The following CSMD3 variants were observed in gnomAD, a reference collection of about 807,000 sequenced individuals.
The protein encoded by CSMD3 is CUB and Sushi multiple domains 3.
Under a neutral mutation model 435.2 loss-of-function variants are expected in CSMD3, and 177 were observed. The ratio of observed to expected loss-of-function variants is 0.41; its 90% CI spans 0.36 to 0.46. The LOEUF (loss-of-function observed/expected upper bound fraction) is 0.46, where lower values mean the gene tolerates loss of function less well. CSMD3 is among the 20% of genes least tolerant of loss of function. CSMD3 has a pLI of 0.34. For synonymous variants in CSMD3, 1,656 were observed against 1,520.5 expected, an observed-to-expected ratio of 1.09 and a Z score of -2.07; for missense variants, 4,265 against 4,504.6, an observed-to-expected ratio of 0.95 and a Z score of 1.52.
intron 9 of CSMD3, among the ~76,000 whole-genome samples, chr8:112,923,043 C>T (rs1377508246): frequency 6.6e-6 from 1 of 152,086 alleles, no homozygotes; most frequent in African/African-American, 2.4e-5. Context: ...CACAAGCACT[C>T]CATCAGGAAA....
intron 3 of CSMD3, among the ~76,000 whole-genome samples, chr8:113,260,923 C>A (rs1027533797): frequency 6.6e-6 from 1 of 152,132 alleles, no homozygotes; most frequent in African/African-American, 2.4e-5. Context: ...TTTATGGTTG[C>A]ATAGTATTCC....
chr8:112,934,221 A>G (rs557882191), intron 9 of CSMD3, among the ~76,000 whole-genome samples: 9 of 152,242 alleles, frequency 5.9e-5, no homozygotes, highest in Admixed American at 5.2e-4. Flanking sequence ...GGACTCTGAC[A>G]GTGGTTGGAG....
intron 59 of CSMD3, 61 bp from the exon 60 acceptor site, chr8:112,265,651 T>A (rs2130418697): frequency 1.7e-6 from 2 of 1,143,328 alleles, no homozygotes; most frequent in Non-Finnish European, 2.7e-6. Context: ...TGGAGAGGAG[T>A]AGTAAGCATA....
chr8:112,674,154 TG>T (rs2075720473), intron 16 of CSMD3, among the ~76,000 whole-genome samples: 1 of 152,126 alleles, frequency 6.6e-6, no homozygotes, highest in South Asian at 2.1e-4. Context: ...GGGAAGAGCA[TG>T]CTAAAGGAAT....
At chr8:113,402,591 T>C (rs2094515191) in intron 1 of CSMD3, among the ~76,000 whole-genome samples, 1 of 151,276 alleles carries the variant, frequency 6.6e-6, no homozygotes, top group African/African-American at 2.4e-5. Flanking sequence ...ACTTCTGGCC[T>C]AATCTTATTT....
intron 27 of CSMD3, among the ~76,000 whole-genome samples, chr8:112,519,866 C>T (rs980126645): frequency 3.9e-5 from 6 of 151,984 alleles, no homozygotes; most frequent in Admixed American, 3.3e-4. Context: ...AGTCATAAAG[C>T]CTTTGTAATA....
chr8:113,305,515 A>G (rs2093812971), intron 2 of CSMD3, among the ~76,000 whole-genome samples: 1 of 152,208 alleles, frequency 6.6e-6, no homozygotes, highest in African/African-American at 2.4e-5. Context: ...AATCTAAGGA[A>G]CAAAGTGTTT....
intron 42 of CSMD3, among the ~76,000 whole-genome samples, chr8:112,340,475 A>G (rs965688415): frequency 7.2e-5 from 11 of 152,142 alleles, no homozygotes; most frequent in African/African-American, 2.7e-4. Flanking sequence ...GCAAATATTT[A>G]TTGTGCTTAC....
chr8:112,590,132 T>G (rs1831058259), intron 22 of CSMD3, among the ~76,000 whole-genome samples: 1 of 152,056 alleles, frequency 6.6e-6, no homozygotes, highest in African/African-American at 2.4e-5. Flanking sequence ...AAAAATAAAT[T>G]TATAGGTTGA....
intron 5 of CSMD3, among the ~76,000 whole-genome samples, chr8:113,031,407 G>T (rs561207474): frequency 6.6e-6 from 1 of 151,534 alleles, no homozygotes; most frequent in Non-Finnish European, 1.5e-5. Context: ...AGGAAAAAGC[G>T]AATCTCAAAA....
intron 10 of CSMD3, among the ~76,000 whole-genome samples, chr8:112,866,356 T>C (rs551047642): frequency 6.6e-6 from 1 of 152,272 alleles, no homozygotes; most frequent in Admixed American, 6.5e-5. Flanking sequence ...AATATGATAA[T>C]ATGATTACAT....
intron 10 of CSMD3, among the ~76,000 whole-genome samples, chr8:112,862,155 C>T (rs147836729): frequency 1.7e-3 from 265 of 152,048 alleles, no homozygotes; most frequent in Non-Finnish European, 3.4e-3. Context: ...GTAACAATCA[C>T]CTGTAAATAT....
intron 2 of CSMD3, chr8:113,311,254 G>A (rs184322392): frequency 5.9e-5 from 9 of 152,106 alleles, no homozygotes; most frequent in African/African-American, 1.9e-4. Flanking sequence ...ATTATCTAAC[G>A]GTGCTTTGCC....
chr8:112,502,534 C>T (rs528045721), intron 30 of CSMD3, among the ~76,000 whole-genome samples: 49 of 152,320 alleles, frequency 3.2e-4, no homozygotes, highest in South Asian at 2.3e-3. Flanking sequence ...TTGTGAGTTT[C>T]ATTTCCCTAA....
At chr8:112,404,837 TTAAAACAAAAA>T (rs898216546) in intron 35 of CSMD3, among the ~76,000 whole-genome samples, 1 of 151,916 alleles carries the variant, frequency 6.6e-6, no homozygotes, top group South Asian at 2.1e-4. Context: ...ATTATTAAAA[TTAAAACAAAAA>T]TAAAACAAAA....
intron 3 of CSMD3, among the ~76,000 whole-genome samples, chr8:113,274,488 C>A (rs1027982499): frequency 6.6e-6 from 1 of 151,978 alleles, no homozygotes. Flanking sequence ...TACTTTCAAG[C>A]AAATTGACAT....
intron 1 of CSMD3, among the ~76,000 whole-genome samples, chr8:113,390,265 G>A (rs1466510567): frequency 1.3e-5 from 2 of 151,570 alleles, no homozygotes; most frequent in Non-Finnish European, 3.0e-5. Flanking sequence ...TTTCAAATCT[G>A]TTACTGTCCC....
chr8:112,755,488 G>T (rs1415977386), intron 13 of CSMD3, among the ~76,000 whole-genome samples: 1 of 151,434 alleles, frequency 6.6e-6, no homozygotes, highest in Non-Finnish European at 1.5e-5. Context: ...GCCGCCATTT[G>T]AAGAAGGACA....
chr8:112,876,618 G>A (rs538640536), intron 10 of CSMD3, among the ~76,000 whole-genome samples: 19 of 152,054 alleles, frequency 1.2e-4, no homozygotes, highest in Non-Finnish European at 2.5e-4. Context: ...AAAGGCCTTC[G>A]ATAAAATTCA....
Sources: gnomAD v4.1 joint callset for allele counts (sites outside exome capture counted in the v4.1 genomes callset) on GRCh38, gnomAD v4.1.1 for gene constraint, MANE v1.5 for transcripts, NCBI Gene and HGNC (gene_info 2026-07-23, HGNC 2026-07-21) for gene names.